Variants in ADCY6 observed in about 807,000 individuals in gnomAD.
The protein encoded by ADCY6 is adenylate cyclase type 6.
Under a neutral mutation model 111.6 loss-of-function variants are expected in ADCY6, and 59 were observed. That is an observed-to-expected ratio of 0.53 (90% confidence interval 0.43 to 0.66). The LOEUF is 0.66. Ranked by LOEUF, ADCY6 falls within the 30% of genes least tolerant of loss-of-function variation. The pLI is 0.00. For missense variants in ADCY6, 1,242 were observed against 1,595.6 expected (o/e 0.78, Z 3.78); for synonymous variants, 576 against 642.9 (o/e 0.90, Z 1.57).
chr12:48,783,619 G>T lies in ADCY6; in HGVS notation c.-4-181C>A. On this transcript the variant is annotated intron_variant, in intron 1 of 21. Transcript: ENST00000357869. The stretch of plus-strand genomic sequence containing the variant: ...GCAACAAGGGTATCCCCAATCAACA[G>T]GTGAGAACCCAAGACACAGTCAGGA... 3.6e-6 allele frequency: 5 copies of T among 1,397,588 alleles called. No homozygotes were observed. The South Asian group carries it at 7.5e-5, about 21-fold the overall frequency. 86.6% of individuals were successfully genotyped at this position (1,397,588 alleles called of 1,614,324 possible).
At chr12:48,773,676 T>A (rs1334667848) in intron 15 of ADCY6, 29 bp from the exon 16 acceptor site, 3 of 1,613,392 alleles carry the variant, frequency 1.9e-6, no homozygotes. Flanking sequence ...CAGCGTTGGG[T>A]GAAGGCAGAG....
chr12:48,785,422 C>T (rs1941962901), intron 1 of ADCY6, among the ~76,000 whole-genome samples: 4 of 152,240 alleles, frequency 2.6e-5, no homozygotes, highest in Non-Finnish European at 5.9e-5. Flanking sequence ...GAGTTCGAGA[C>T]CAGCCGGACC....
Position 48,768,985 on chromosome 12 carries a change from C to T in ADCY6, c.3333G>A (p.Val1111=), listed in dbSNP as rs1941449937. ...KPQYDIWGNT[V]NVSSRMDSTG... is the part of the protein sequence containing the mutation. ...TGCTGTCCATACGACTAGAGACATTCACTGTGTTCCCCCAGATGTCATACT... is the reference window on the plus strand; with the variant it reads ...TGCTGTCCATACGACTAGAGACATTTACTGTGTTCCCCCAGATGTCATACT... Residue 1111 remains valine (V), a synonymous_variant, in exon 21 of 22, where the codon GTG becomes GTA. Transcript: ENST00000357869. The T allele has an allele frequency of 6.2e-7, 1 of 1,613,962 alleles. No individual in the cohort carries two copies. The highest frequency in any genetic ancestry group is 1.3e-5 in the African/African-American group (1 of 74,910).
At position 48,768,425 on chromosome 12, in the gene ADCY6, T is replaced by C; in HGVS notation, c.*166A>G. 2 of 988,590 alleles carry C rather than the reference T, an allele frequency of 2.0e-6. No individual in the cohort carries two copies. The highest frequency in any genetic ancestry group is 1.5e-6 in the Non-Finnish European group (1 of 662,906). The allele number at this position is 988,590 out of a possible 1,614,324, so 61.2% of individuals were successfully genotyped here. A position where few individuals can be genotyped will look rare whatever the true frequency, so the allele number is the denominator to read the frequency against. On this transcript the variant is annotated 3_prime_UTR_variant, in exon 22 of 22. Transcript: ENST00000357869. ...GGTAGGTAGCCCCTTGTTTTCCAGC[T>C]TGAGGGCAGACGAGCATGATCCAAG...
rs754270809 is a variant in ADCY6, at chr12:48,777,065, C to G, written c.1376+39G>C. On this transcript the variant is annotated intron_variant, in intron 6 of 21. Transcript: ENST00000357869. The surrounding 1 kb of genome is among the most constrained non-coding windows in gnomAD (Gnocchi z 4.9). ...AAAAAGTAGGAGCAGTCTGGGGCAC[C>G]CGCAATTCCAGGAAGCCTAGGAATG... is the stretch of plus-strand genomic sequence containing the variant. 6.5e-7 allele frequency: 1 copy of G among 1,547,054 alleles called. No individual in the cohort carries two copies. The highest frequency in any genetic ancestry group is 2.3e-5 in the East Asian group (1 of 44,188).
Position 48,783,940 on chromosome 12 carries a change from G to A in ADCY6, c.-4-502C>T, listed in dbSNP as rs143301663. Reference sequence around the variant, plus strand: ...TCTACTAAAAATACAAAAATTAGCCGGGCGTGGTGGCGGGCGCCTGTAATC... The same window carrying A: ...TCTACTAAAAATACAAAAATTAGCCAGGCGTGGTGGCGGGCGCCTGTAATC... On this transcript the variant is annotated intron_variant, in intron 1 of 21. Coordinates refer to ENST00000357869, the MANE Select transcript of ADCY6 (RefSeq NM_015270.5). 986 of 157,492 alleles carry A rather than the reference G, an allele frequency of 6.3e-3. 11 individuals are homozygous for A. Among genetic ancestry groups the A allele is most frequent in the African/African-American group, 0.023 (938 of 41,528 alleles). The allele number at this position is 157,492 out of a possible 1,614,324, so 9.8% of individuals were successfully genotyped here. A position where few individuals can be genotyped will look rare whatever the true frequency, so the allele number is the denominator to read the frequency against.
intron 2 of ADCY6, among the ~76,000 whole-genome samples, chr12:48,778,722 G>A (rs1038628202): frequency 1.3e-5 from 2 of 152,152 alleles, no homozygotes; most frequent in Non-Finnish European, 2.9e-5. Context: ...ACCCAAAGAG[G>A]AAGAATGAGA....
chr12:48,781,620 G>A (rs1180847533), intron 2 of ADCY6, among the ~76,000 whole-genome samples: 1 of 152,136 alleles, frequency 6.6e-6, no homozygotes, highest in Non-Finnish European at 1.5e-5. Context: ...CTGCCCAGTC[G>A]GGTTCTACTC....
rs1277380854 is a variant in ADCY6 at position 48,770,961 on chromosome 12, C to G, written c.3061G>C (p.Glu1021Gln). The G allele has an allele frequency of 6.8e-6, 11 of 1,613,952 alleles. No individual in the cohort carries two copies. The highest frequency in any genetic ancestry group is 1.1e-5 in the South Asian group (1 of 91,078). ...IIADFDEIIS[E>Q]ERFRQLEKIK... is the part of the protein sequence containing the mutation. Reference sequence around the variant, plus strand: ...TTTTCCAGCTGCCGGAACCGCTCCTCGCTGATAATCTGAACAACACAAGGA... The same window carrying G: ...TTTTCCAGCTGCCGGAACCGCTCCTGGCTGATAATCTGAACAACACAAGGA... The change falls in exon 20 of 22, where the codon GAG becomes CAG. Residue 1021 changes from glutamate (E) to glutamine (Q), a missense_variant. By Grantham distance (29) the Glu-to-Gln change is conservative. This residue lies in a region of ADCY6 where 245 missense variants were observed against 371.3 expected (regional missense o/e 0.66). Transcript: ENST00000357869.
Position 48,771,958 on chromosome 12 carries a change from C to G in ADCY6, c.2803G>C (p.Glu935Gln). The G allele has an allele frequency of 6.2e-7, 1 of 1,611,184 alleles. No individual in the cohort carries two copies. The highest frequency in any genetic ancestry group is 8.5e-7 in the Non-Finnish European group (1 of 1,178,220). The change falls in exon 19 of 22, where the codon GAG becomes CAG. Residue 935 changes from glutamate (E) to glutamine (Q), a missense_variant. Around this residue, in one of 4 missense-constraint regions of ADCY6, gnomAD observed 245 missense variants for 371.3 expected, o/e 0.66. Transcript: ENST00000357869. The surrounding 1 kb of genome is among the most constrained non-coding windows in gnomAD (Gnocchi z 4.3). ...TATGCCTGTAGCTCCTCCATCTCCT[C>G]CTTCTCCCCTGTTGCCTGTGGACAC... ...LWKLQATGEK[E>Q]EMEELQAYNR...
In ADCY6 at chr12:48,777,747, G is replaced by A; in HGVS notation, c.1015-11C>T. On this transcript the variant is annotated splice_polypyrimidine_tract_variant and intron_variant, in intron 3 of 21. Transcript: ENST00000357869. The surrounding 1 kb of genome is among the most constrained non-coding windows in gnomAD (Gnocchi z 4.9). ...CAGCAGCAGCCGCTCCTAGCCCAGT[G>A]GTTCCAATAGGGCATCACTATACTC... 1 of 1,613,768 alleles carries A rather than the reference G, an allele frequency of 6.2e-7. No homozygotes were observed. Among genetic ancestry groups the A allele is most frequent in the Non-Finnish European group, 8.5e-7 (1 of 1,179,914 alleles).
At chr12:48,784,729 G>T (rs1341115311) in intron 1 of ADCY6, among the ~76,000 whole-genome samples, 1 of 140,328 alleles carries the variant, frequency 7.1e-6, no homozygotes, top group Non-Finnish European at 1.5e-5. Flanking sequence ...CTGGAGTGCA[G>T]TGGCACGATC....
Position 48,775,994 on chromosome 12 carries a change from C to T in ADCY6, c.1775G>A (p.Arg592Gln), listed in dbSNP as rs772037973. 3.2e-5 allele frequency: 51 copies of T among 1,609,810 alleles called. No individual in the cohort carries two copies. Among genetic ancestry groups the T allele is most frequent in the Admixed American group, 5.0e-5 (3 of 59,448 alleles). ...GCGGAAGGCCTTGGAGTCCTTGGTCCGGGAGAAGGCACGATCAGGAACCCA... is the reference window on the plus strand; with the variant it reads ...GCGGAAGGCCTTGGAGTCCTTGGTCTGGGAGAAGGCACGATCAGGAACCCA... ...PRWVPDRAFS[R>Q]TKDSKAFRQM... Residue 592 changes from arginine to glutamine, a missense_variant, in exon 9 of 22, where the codon CGG becomes CAG. Physicochemically the swap from Arg to Gln is conservative, Grantham distance 43. Transcript: ENST00000357869.
chr12:48,783,760 C>T (rs1187274719), intron 1 of ADCY6: 2 of 366,888 alleles, frequency 5.5e-6, no homozygotes, highest in South Asian at 3.2e-5. Context: ...CTGGGCAATA[C>T]AGCAAGACCC....
chr12:48,787,649 T>C (rs1340282527), intron 1 of ADCY6, among the ~76,000 whole-genome samples: 1 of 152,198 alleles, frequency 6.6e-6, no homozygotes, highest in Non-Finnish European at 1.5e-5. Context: ...CTATGAGCCC[T>C]GGGAGCACAG....
chr12:48,770,186 G>A (rs1479924681), intron 20 of ADCY6, among the ~76,000 whole-genome samples: 1 of 150,898 alleles, frequency 6.6e-6, no homozygotes, highest in Non-Finnish European at 1.5e-5. Flanking sequence ...TTACAGGCAT[G>A]ATCCACCGCG....
chr12:48,773,904 G>A, intron 15 of ADCY6, 36 bp downstream of exon 15: 1 of 1,607,782 alleles, frequency 6.2e-7, no homozygotes, highest in Non-Finnish European at 8.5e-7. Context: ...TCTGTGCCAG[G>A]ACAGCCCCCC....
chr12:48,788,915 C>T lies in ADCY6; in HGVS notation c.-14G>A, dbSNP rs1199472850. Reference sequence around the variant, plus strand: ...CCCTCAGCGCGCTCACCTGCCGGCCCGGCTCCGCGCCTGCCCTGGGCCCCC... The same window carrying T: ...CCCTCAGCGCGCTCACCTGCCGGCCTGGCTCCGCGCCTGCCCTGGGCCCCC... On this transcript the variant is annotated 5_prime_UTR_variant, in exon 1 of 22. Coordinates refer to ENST00000357869, the MANE Select transcript of ADCY6 (RefSeq NM_015270.5). The T allele has an allele frequency of 1.3e-5, 2 of 149,374 alleles. No individual in the cohort carries two copies. The highest frequency in any genetic ancestry group is 6.7e-5 in the Admixed American group (1 of 14,968). 9.3% of individuals were successfully genotyped at this position (149,374 alleles called of 1,614,324 possible). A position where few individuals can be genotyped will look rare whatever the true frequency, so the allele number is the denominator to read the frequency against.
rs1941418022 is a variant in ADCY6 at position 48,767,882 on chromosome 12, G to A, written c.*709C>T. 1 of 153,374 alleles carries A rather than the reference G, an allele frequency of 6.5e-6. No individual in the cohort carries two copies. Among genetic ancestry groups the A allele is most frequent in the South Asian group, 2.1e-4 (1 of 4,850 alleles). The allele number at this position is 153,374 out of a possible 1,614,324, so 9.5% of individuals were successfully genotyped here. ...ATTTTTCACAGTACCAGTGAGGCCA[G>A]ACACCCCGTTCCCTGGAGCGTGCAG... On this transcript the variant is annotated 3_prime_UTR_variant, in exon 22 of 22. Transcript: ENST00000357869.
Sources: gnomAD v4.1 joint callset for allele counts (sites outside exome capture counted in the v4.1 genomes callset) on GRCh38, gnomAD v4.1.1 for gene constraint, gnomAD v4.1.1 regional missense constraint, Gnocchi (gnomAD v3.1) non-coding constraint, MANE v1.5 for transcripts, NCBI Gene and HGNC (gene_info 2026-07-23, HGNC 2026-07-21) for gene names.